ANKS1B: variants seen among roughly 807,000 people sequenced by gnomAD.
The protein encoded by ANKS1B is ankyrin repeat and sterile alpha motif domain-containing protein 1B.
Under a neutral mutation model 148.3 loss-of-function variants are expected in ANKS1B, and 36 were observed. That is an observed-to-expected ratio of 0.24 (90% CI 0.19 to 0.32). The LOEUF is 0.32. Ranked by LOEUF, ANKS1B falls within the 10% of genes least tolerant of loss-of-function variation. The pLI, the probability that ANKS1B is intolerant of heterozygous loss-of-function variation, is 1.00. For missense variants in ANKS1B, 1,157 were observed against 1,542.6 expected, an observed-to-expected ratio of 0.75 and a Z score of 4.19; for synonymous variants, 542 against 560.8, an observed-to-expected ratio of 0.97 and a Z score of 0.47.
intron 3 of ANKS1B, among the ~76,000 whole-genome samples, chr12:99,809,893 C>T (rs1378562489): frequency 1.3e-5 from 2 of 152,168 alleles, no homozygotes; most frequent in Admixed American, 6.6e-5. Context: ...CGTTCAAACA[C>T]TGGCTGCATT....
chr12:98,986,861 C>A (rs922796991), intron 17 of ANKS1B, among the ~76,000 whole-genome samples: 2 of 152,024 alleles, frequency 1.3e-5, no homozygotes, highest in Non-Finnish European at 2.9e-5. Flanking sequence ...TCAAGTGATC[C>A]TCCTGCCTTG....
intron 14 of ANKS1B, among the ~76,000 whole-genome samples, chr12:99,165,809 G>A (rs959935669): frequency 4.0e-5 from 6 of 151,800 alleles, no homozygotes; most frequent in African/African-American, 1.2e-4. Flanking sequence ...ACCAAAATCA[G>A]ATCAAGACAT....
At chr12:98,903,892 C>T (rs2099775501) in intron 17 of ANKS1B, among the ~76,000 whole-genome samples, 1 of 152,132 alleles carries the variant, frequency 6.6e-6, no homozygotes, top group Non-Finnish European at 1.5e-5. Flanking sequence ...GCCCATCCAT[C>T]TTTGAGACTT....
chr12:98,850,022 C>T (rs1000839235), intron 17 of ANKS1B, among the ~76,000 whole-genome samples: 3 of 152,132 alleles, frequency 2.0e-5, no homozygotes, highest in Admixed American at 2.0e-4. Flanking sequence ...AATAAATGGG[C>T]TTTGTCTGAT....
intron 17 of ANKS1B, among the ~76,000 whole-genome samples, chr12:98,920,802 G>C (rs928524754): frequency 6.6e-6 from 1 of 152,158 alleles, no homozygotes; most frequent in Non-Finnish European, 1.5e-5. Flanking sequence ...AATCTCCTTA[G>C]AGTTTTATCT....
At chr12:99,646,866 A>G (rs2098374164) in intron 9 of ANKS1B, among the ~76,000 whole-genome samples, 1 of 151,798 alleles carries the variant, frequency 6.6e-6, no homozygotes, top group Non-Finnish European at 1.5e-5. Context: ...TAGAGCATAA[A>G]TGTGATGTTT....
chr12:99,186,376 G>C lies in ANKS1B; in HGVS notation c.2420-31981C>G, dbSNP rs572565851. 2.6e-5 allele frequency among the ~76,000 whole-genome samples: 4 copies of C among 152,304 alleles called. No homozygotes were observed. In the East Asian group the frequency reaches 7.7e-4, roughly 30 times the overall value. On this transcript the variant is annotated intron_variant, in intron 14 of 26. Coordinates refer to ENST00000683438, the MANE Select transcript of ANKS1B (RefSeq NM_001352186.2). ...AGAGCAGCAGATCTCCCGGCACATT[G>C]ATTGAGCTCTGCTAAGGGACAGACT...
At chr12:99,165,245 T>G (rs751576810) in intron 14 of ANKS1B, among the ~76,000 whole-genome samples, 1 of 151,570 alleles carries the variant, frequency 6.6e-6, no homozygotes, top group African/African-American at 2.4e-5. Context: ...GAAAGATAAC[T>G]CCAACAAAAA....
chr12:99,305,603 A>T (rs924441936), intron 12 of ANKS1B, among the ~76,000 whole-genome samples: 1 of 152,148 alleles, frequency 6.6e-6, no homozygotes, highest in Non-Finnish European at 1.5e-5. Flanking sequence ...ATCCCTGGAA[A>T]TACAAATATA....
chr12:99,019,363 T>C (rs1314952620), intron 17 of ANKS1B, among the ~76,000 whole-genome samples: 4 of 152,144 alleles, frequency 2.6e-5, no homozygotes, highest in Non-Finnish European at 5.9e-5. Flanking sequence ...ATTAAAACTG[T>C]GTAAGAATTT....
At chr12:99,080,308 T>C (rs2049255717) in intron 16 of ANKS1B, among the ~76,000 whole-genome samples, 2 of 152,176 alleles carry the variant, frequency 1.3e-5, no homozygotes. Context: ...TTATGGAATT[T>C]CTGATCTTCT....
chr12:98,864,689 T>C lies in ANKS1B; in HGVS notation c.2779-32553A>G, dbSNP rs570265664. On this transcript the variant is annotated intron_variant, in intron 17 of 26. Coordinates refer to ENST00000683438, the MANE Select transcript of ANKS1B (RefSeq NM_001352186.2). ...CAATTCCTTAAAACATACCTTTCTATGTATGTATACTTACATCCTAGTGGT... is the reference window on the plus strand; with the variant it reads ...CAATTCCTTAAAACATACCTTTCTACGTATGTATACTTACATCCTAGTGGT... Among the ~76,000 whole-genome samples, 148 of 152,328 alleles carry C rather than the reference T, an allele frequency of 9.7e-4. 1 individual carries two copies. Among genetic ancestry groups the C allele is most frequent in the Middle Eastern group, 3.4e-3 (1 of 294 alleles).
Position 99,557,171 on chromosome 12 carries a change from T to A in ANKS1B, c.1273-52530A>T, listed in dbSNP as rs2097286050. On this transcript the variant is annotated intron_variant, in intron 9 of 26. Transcript: ENST00000683438. ...TTGGGGATGGTTGTCTTACATAGTA[T>A]CTCACAGGGTTTCTCTGCATTTCCT... Among the ~76,000 whole-genome samples the A allele has an allele frequency of 2.0e-5, 3 of 152,306 alleles. No homozygotes were observed. In the South Asian group the frequency reaches 6.2e-4, roughly 32 times the overall value.
chr12:99,623,988 T>C (rs945261906), intron 9 of ANKS1B, among the ~76,000 whole-genome samples: 3 of 151,948 alleles, frequency 2.0e-5, no homozygotes, highest in Non-Finnish European at 4.4e-5. Flanking sequence ...ATACATCTTA[T>C]TACCCAACGT....
Position 99,229,923 on chromosome 12 carries a change from C to G in ANKS1B, c.2419+14419G>C, listed in dbSNP as rs564587282. On this transcript the variant is annotated intron_variant, in intron 14 of 26. Transcript: ENST00000683438. ...ATCAAGTAAGCATCATTCCTATCCT[C>G]AAGACACTTATATATACTGGAAATA... Among the ~76,000 whole-genome samples the G allele has an allele frequency of 4.0e-5, 6 of 151,884 alleles. No individual in the cohort carries two copies. In the South Asian group the frequency reaches 1.2e-3, roughly 32 times the overall value.
intron 15 of ANKS1B, among the ~76,000 whole-genome samples, chr12:99,088,473 T>C (rs920886386): frequency 5.9e-5 from 9 of 152,222 alleles, no homozygotes; most frequent in Non-Finnish European, 1.2e-4. Context: ...ATTGTATATT[T>C]TGAAATTATG....
chr12:98,759,909 G>A (rs1170275289), intron 25 of ANKS1B, among the ~76,000 whole-genome samples: 2 of 152,090 alleles, frequency 1.3e-5, no homozygotes, highest in Non-Finnish European at 2.9e-5. Flanking sequence ...GAGCCCAGGA[G>A]GTGAAGATTG....
intron 17 of ANKS1B, among the ~76,000 whole-genome samples, chr12:98,952,369 G>A (rs2099855389): frequency 6.6e-6 from 1 of 152,174 alleles, no homozygotes; most frequent in Admixed American, 6.5e-5. Flanking sequence ...ACTGCACTAA[G>A]GATGGAATAC....
At chr12:99,884,097 C>T (rs2092697440) in intron 1 of ANKS1B, among the ~76,000 whole-genome samples, 1 of 151,930 alleles carries the variant, frequency 6.6e-6, no homozygotes, top group Non-Finnish European at 1.5e-5. Flanking sequence ...TTTGTGATTA[C>T]TCTTAATGCT....
Sources: gnomAD v4.1 joint callset for allele counts (sites outside exome capture counted in the v4.1 genomes callset) on GRCh38, gnomAD v4.1.1 for gene constraint, MANE v1.5 for transcripts, NCBI Gene and HGNC (gene_info 2026-07-23, HGNC 2026-07-21) for gene names.